The following SOX5 variants were observed in gnomAD, a reference collection of about 807,000 sequenced individuals.
SOX5 encodes the protein transcription factor SOX-5.
Under a neutral mutation model 92.0 loss-of-function variants are expected in SOX5, and 9 were observed. The ratio of observed to expected loss-of-function variants is 0.10; its 90% CI spans 0.06 to 0.17. The LOEUF (loss-of-function observed/expected upper bound fraction) is 0.17, where lower values mean the gene tolerates loss of function less well. Ranked by LOEUF, SOX5 falls within the 10% of genes least tolerant of loss-of-function variation. The probability of loss-of-function intolerance (pLI) is 1.00; values close to 1 mark genes in which losing one functional copy is unlikely to be tolerated. For missense variants in SOX5, 642 were observed against 944.5 expected, an observed-to-expected ratio of 0.68 and a Z score of 4.20; for synonymous variants, 344 against 336.3, an observed-to-expected ratio of 1.02 and a Z score of -0.25.
Position 23,637,342 on chromosome 12 carries a change from A to G in SOX5, c.1017+3470T>C, listed in dbSNP as rs905448116. On this transcript the variant is annotated intron_variant, in intron 8 of 14. Coordinates refer to ENST00000451604, the MANE Select transcript of SOX5 (RefSeq NM_006940.6). ...ACGAACAGATTAAACAAAAACAGAA[A>G]ACGAGTGAGAACAAGCCAACAACAA... 4.6e-5 allele frequency among the ~76,000 whole-genome samples: 7 copies of G among 152,164 alleles called. No homozygotes were observed. In the East Asian group the frequency reaches 7.7e-4, roughly 17 times the overall value.
chr12:24,465,429 T>C (rs1247328638), intron 1 of SOX5, among the ~76,000 whole-genome samples: 3 of 152,234 alleles, frequency 2.0e-5, no homozygotes, highest in Non-Finnish European at 4.4e-5. Context: ...ATTCATTCAA[T>C]CAGCCATTTT....
At chr12:24,475,139 C>G (rs1286821134) in intron 1 of SOX5, among the ~76,000 whole-genome samples, 1 of 152,138 alleles carries the variant, frequency 6.6e-6, no homozygotes, top group Non-Finnish European at 1.5e-5. Flanking sequence ...GCGCCCAGCC[C>G]TTAATGAGAA....
chr12:23,998,825 AG>A (rs57892964), intron 4 of SOX5, among the ~76,000 whole-genome samples: 6 of 130,044 alleles, frequency 4.6e-5, no homozygotes, highest in African/African-American at 1.6e-4. Flanking sequence ...AAAAAAAAAA[AG>A]GGGGGGCGAA....
intron 4 of SOX5, among the ~76,000 whole-genome samples, chr12:24,131,698 T>G (rs986567330): frequency 1.3e-5 from 2 of 152,300 alleles, no homozygotes; most frequent in Middle Eastern, 3.4e-3. Context: ...TTATTTATAC[T>G]TTAGGAATTA....
At chr12:24,452,958 G>A (rs968001939) in intron 1 of SOX5, among the ~76,000 whole-genome samples, 1 of 152,138 alleles carries the variant, frequency 6.6e-6, no homozygotes, top group African/African-American at 2.4e-5. Flanking sequence ...TAAATAGAAA[G>A]TCTTAAAAAC....
At chr12:24,222,406 CCAGTGGACTGGA>C (rs1960690021) in intron 3 of SOX5, among the ~76,000 whole-genome samples, 1 of 151,902 alleles carries the variant, frequency 6.6e-6, no homozygotes, top group Non-Finnish European at 1.5e-5. Context: ...GGAGGTTTTG[CCAGTGGACTGGA>C]CAGGGGTATG....
rs370708676 is a variant in SOX5 at position 23,604,403 on chromosome 12, G to A, written c.1148C>T (p.Pro383Leu). ...SIHTDKSTNS[P>L]PPKSKDEVAQ... ...AAAGGGTACCTTGCTTTTGGGTGGT[G>A]GGCTGTTTGTGCTCTTGTCTGTGTG... The change falls in exon 9 of 15, where the codon CCA (proline) becomes CTA (leucine). Residue 383 changes from proline (P) to leucine (L), a missense_variant. By Grantham distance (98) the Pro-to-Leu change is moderately conservative. Transcript: ENST00000451604. 6.2e-7 allele frequency: 1 copy of A among 1,613,578 alleles called. No individual in the cohort carries two copies.
intron 7 of SOX5, among the ~76,000 whole-genome samples, chr12:23,654,723 T>C (rs1437139636): frequency 3.3e-5 from 5 of 152,116 alleles, no homozygotes; most frequent in South Asian, 2.1e-4. Context: ...ACAGTCTTTT[T>C]AGATTTGCTA....
At chr12:24,503,288 T>G (rs1173473732) in intron 1 of SOX5, among the ~76,000 whole-genome samples, 1 of 152,158 alleles carries the variant, frequency 6.6e-6, no homozygotes, top group African/African-American at 2.4e-5. Context: ...TTCCAACAAA[T>G]AGGGAGGCTG....
chr12:24,239,611 T>G (rs1042998203), intron 3 of SOX5, among the ~76,000 whole-genome samples: 4 of 152,202 alleles, frequency 2.6e-5, no homozygotes, highest in Non-Finnish European at 5.9e-5. Context: ...AACTAAGCCC[T>G]GGAGCTACAA....
intron 4 of SOX5, among the ~76,000 whole-genome samples, chr12:23,987,232 G>A (rs1950139777): frequency 6.6e-6 from 1 of 152,174 alleles, no homozygotes; most frequent in Admixed American, 6.5e-5. Context: ...AATGAATGAT[G>A]TCATCAACAG....
intron 9 of SOX5, among the ~76,000 whole-genome samples, chr12:23,603,154 G>C (rs773694212): frequency 7.9e-5 from 12 of 152,022 alleles, no homozygotes; most frequent in Non-Finnish European, 1.5e-4. Context: ...ATGGAGGTTA[G>C]AGTGCCCTTT....
chr12:24,105,999 C>A (rs574426659), intron 4 of SOX5, among the ~76,000 whole-genome samples: 2 of 152,076 alleles, frequency 1.3e-5, no homozygotes, highest in Admixed American at 6.5e-5. Flanking sequence ...CAAACCTTTG[C>A]CCTTGGGATA....
chr12:23,547,574 C>T (rs1271301208), intron 11 of SOX5, among the ~76,000 whole-genome samples: 6 of 151,672 alleles, frequency 4.0e-5, no homozygotes, highest in Non-Finnish European at 8.8e-5. Context: ...ACAGTACATG[C>T]TTTATCTCAA....
At chr12:23,972,758 G>C (rs1040727714) in intron 4 of SOX5, among the ~76,000 whole-genome samples, 2 of 151,970 alleles carry the variant, frequency 1.3e-5, no homozygotes, top group African/African-American at 4.8e-5. Context: ...GTATATTGTG[G>C]ACAGATTAAA....
chr12:23,957,073 C>A (rs2139956045), intron 4 of SOX5, among the ~76,000 whole-genome samples: 1 of 152,234 alleles, frequency 6.6e-6, no homozygotes, highest in Admixed American at 6.5e-5. Context: ...TTTATCATTT[C>A]AAAAATAAAA....
chr12:23,904,022 A>C (rs190907487), intron 1 of SOX5, among the ~76,000 whole-genome samples: 3 of 152,280 alleles, frequency 2.0e-5, no homozygotes, highest in Non-Finnish European at 4.4e-5. Context: ...CATTACTCTT[A>C]TCTATGAATT....
At chr12:24,484,074 G>A (rs1222656086) in intron 1 of SOX5, among the ~76,000 whole-genome samples, 2 of 152,172 alleles carry the variant, frequency 1.3e-5, no homozygotes, top group African/African-American at 4.8e-5. Flanking sequence ...CATTTTGCCT[G>A]TATGGAGAGT....
chr12:24,212,447 G>A (rs759954647), intron 4 of SOX5: 2 of 534,226 alleles, frequency 3.7e-6, no homozygotes, highest in East Asian at 1.1e-4. Flanking sequence ...AGACCTGGAT[G>A]TGTAGGAGCT....
Sources: allele counts gnomAD v4.1 joint callset (sites outside exome capture counted in the v4.1 genomes callset), GRCh38; gene constraint gnomAD v4.1.1; transcripts MANE v1.5; gene names NCBI Gene and HGNC (gene_info 2026-07-23, HGNC 2026-07-21).